SLC24A2: variants seen among roughly 807,000 people sequenced by gnomAD.
SLC24A2 encodes solute carrier family 24 member 2, also known as sodium/potassium/calcium exchanger 2.
In SLC24A2, 36 loss-of-function variants were observed where a neutral mutation model predicts 62.0. The ratio of observed to expected loss-of-function variants is 0.58; its 90% CI spans 0.44 to 0.77. The LOEUF is 0.77. Among genes scored for constraint, SLC24A2 ranks in the 30% least tolerant of loss-of-function variants. The probability of loss-of-function intolerance (pLI) is 0.00; values close to 1 mark genes in which losing one functional copy is unlikely to be tolerated. For missense variants in SLC24A2, 846 were observed against 817.9 expected (o/e 1.03, Z -0.42); for synonymous variants, 358 against 294.0 (o/e 1.22, Z -2.23).
chr9:19,785,614 G>A (rs1324855838), intron 2 of SLC24A2, among the ~76,000 whole-genome samples: 2 of 152,150 alleles, frequency 1.3e-5, no homozygotes, highest in Admixed American at 6.5e-5. Flanking sequence ...AAATTAAATT[G>A]TTCACAAAAT....
the SLC24A2 span, among the ~76,000 whole-genome samples, chr9:19,903,915 C>G: frequency 6.6e-6 from 1 of 152,110 alleles, no homozygotes; most frequent in African/African-American, 2.4e-5. Flanking sequence ...AATGCCAGAA[C>G]TATATAGAAT....
chr9:19,558,422 A>G (rs1265679573), intron 7 of SLC24A2, among the ~76,000 whole-genome samples: 4 of 152,232 alleles, frequency 2.6e-5, no homozygotes, highest in Admixed American at 2.0e-4. Context: ...GATTTAGCTC[A>G]GTCTGATGTA....
At chr9:19,917,447 G>A in the SLC24A2 span, among the ~76,000 whole-genome samples, 1 of 145,586 alleles carries the variant, frequency 6.9e-6, no homozygotes, top group African/African-American at 2.5e-5. Context: ...ACTGAGATTT[G>A]GATTGAGATG....
At chr9:20,118,510 A>G in the SLC24A2 span, among the ~76,000 whole-genome samples, 6 of 152,082 alleles carry the variant, frequency 3.9e-5, no homozygotes, top group East Asian at 7.7e-4. Context: ...TTCACTTCTT[A>G]TATTTAAAAA....
the SLC24A2 span, among the ~76,000 whole-genome samples, chr9:19,818,052 C>T: frequency 5.9e-5 from 9 of 152,060 alleles, no homozygotes; most frequent in African/African-American, 1.9e-4. Context: ...TAGCCTATAA[C>T]GTATCTTTAA....
intron 7 of SLC24A2, among the ~76,000 whole-genome samples, chr9:19,563,862 C>T (rs1330957972): frequency 3.9e-5 from 5 of 126,904 alleles, no homozygotes; most frequent in Non-Finnish European, 5.1e-5. Flanking sequence ...CCCTCCCTCC[C>T]TCCTTTCCTT....
At chr9:20,184,121 G>C in the SLC24A2 span, among the ~76,000 whole-genome samples, 2 of 152,114 alleles carry the variant, frequency 1.3e-5, no homozygotes, top group African/African-American at 4.8e-5. Flanking sequence ...TGAATAGACA[G>C]TTCTCAAAAG....
At chr9:20,304,706 C>T in the SLC24A2 span, among the ~76,000 whole-genome samples, 2 of 152,194 alleles carry the variant, frequency 1.3e-5, no homozygotes, top group African/African-American at 2.4e-5. Flanking sequence ...TCTCCAGGAA[C>T]ACAATCCTTA....
chr9:20,239,943 T>C, the SLC24A2 span, among the ~76,000 whole-genome samples: 1 of 151,968 alleles, frequency 6.6e-6, no homozygotes, highest in Non-Finnish European at 1.5e-5. Flanking sequence ...TGTTAGGTAT[T>C]TCAATTTGCC....
the SLC24A2 span, among the ~76,000 whole-genome samples, chr9:19,893,114 T>C: frequency 6.6e-6 from 1 of 152,222 alleles, no homozygotes; most frequent in Admixed American, 6.5e-5. Flanking sequence ...TGGTCCAGCA[T>C]GTAAGAAAGT....
chr9:20,167,645 G>C, the SLC24A2 span, among the ~76,000 whole-genome samples: 1 of 151,976 alleles, frequency 6.6e-6, no homozygotes, highest in African/African-American at 2.4e-5. Flanking sequence ...AGCAGGCAAG[G>C]TATAAGGTGA....
the SLC24A2 span, among the ~76,000 whole-genome samples, chr9:20,159,422 A>C: frequency 6.6e-6 from 1 of 151,632 alleles, no homozygotes; most frequent in Non-Finnish European, 1.5e-5. Context: ...TTGGCCCCAG[A>C]AACCAATTTT....
the SLC24A2 span, among the ~76,000 whole-genome samples, chr9:20,023,287 A>T: frequency 5.3e-5 from 8 of 152,200 alleles, no homozygotes; most frequent in Admixed American, 5.2e-4. Flanking sequence ...TACACAGAGG[A>T]TGGGCTTCCC....
the SLC24A2 span, among the ~76,000 whole-genome samples, chr9:20,152,261 T>A: frequency 9.2e-5 from 14 of 152,024 alleles, no homozygotes; most frequent in South Asian, 2.9e-3. Flanking sequence ...AAGAAGCACA[T>A]GAGCTTTAAA....
At chr9:19,550,573 T>A (rs1438516257) in intron 7 of SLC24A2, among the ~76,000 whole-genome samples, 1 of 152,226 alleles carries the variant, frequency 6.6e-6, no homozygotes, top group East Asian at 1.9e-4. Flanking sequence ...GAGCTTCTTA[T>A]AACAAACTAT....
chr9:19,700,831 C>A lies in SLC24A2; in HGVS notation c.931-78532G>T, dbSNP rs115225174. On this transcript the variant is annotated intron_variant, in intron 2 of 10. Coordinates refer to ENST00000341998, the MANE Select transcript of SLC24A2 (RefSeq NM_020344.4). ...TTGAAATTTTGTTTCCTTTAATTAA[C>A]CTTCTCCATTTTCAAATCAATTTTC... Among the ~76,000 whole-genome samples the A allele has an allele frequency of 7.5e-3, 1,140 of 152,256 alleles. 16 individuals are homozygous for A. The highest frequency in any genetic ancestry group is 0.026 in the African/African-American group (1,099 of 41,538).
the SLC24A2 span, among the ~76,000 whole-genome samples, chr9:20,283,248 C>G: frequency 6.6e-6 from 1 of 152,174 alleles, no homozygotes; most frequent in Non-Finnish European, 1.5e-5. Flanking sequence ...TTGGATGTTG[C>G]CGTTTCTCAA....
the SLC24A2 span, among the ~76,000 whole-genome samples, chr9:20,015,945 T>C: frequency 6.6e-6 from 1 of 152,228 alleles, no homozygotes; most frequent in African/African-American, 2.4e-5. Context: ...GGATCACTAC[T>C]AGATTATCCA....
chr9:19,895,612 T>C, the SLC24A2 span, among the ~76,000 whole-genome samples: 1 of 150,312 alleles, frequency 6.7e-6, no homozygotes, highest in Non-Finnish European at 1.5e-5. Context: ...TATAAATAGC[T>C]TGGGTCAAAT....
Sources: allele counts gnomAD v4.1 joint callset (sites outside exome capture counted in the v4.1 genomes callset), GRCh38; gene constraint gnomAD v4.1.1; transcripts MANE v1.5; gene names NCBI Gene and HGNC (gene_info 2026-07-23, HGNC 2026-07-21).